RIMS2: variants seen among roughly 807,000 people sequenced by gnomAD.
RIMS2 encodes the protein regulating synaptic membrane exocytosis 2.
Under a neutral mutation model 174.4 loss-of-function variants are expected in RIMS2, and 59 were observed. The observed-to-expected ratio is 0.34, with a 90% confidence interval of 0.27 to 0.42. The LOEUF (loss-of-function observed/expected upper bound fraction) is 0.42. Among genes scored for constraint, RIMS2 ranks in the 10% least tolerant of loss-of-function variants. The probability of loss-of-function intolerance (pLI) is 1.00; values close to 1 mark genes in which losing one functional copy is unlikely to be tolerated. For synonymous variants in RIMS2, 606 were observed against 572.5 expected (o/e 1.06, Z -0.84); for missense variants, 1,620 against 1,666.3 (o/e 0.97, Z 0.48).
At chr8:103,704,914 T>G (rs538895951) in intron 2 of RIMS2, among the ~76,000 whole-genome samples, 1 of 152,054 alleles carries the variant, frequency 6.6e-6, no homozygotes, top group East Asian at 1.9e-4. Context: ...AGCCAACTTT[T>G]CCTTTCATTT....
At chr8:103,704,328 A>T (rs1263221333) in intron 2 of RIMS2, among the ~76,000 whole-genome samples, 1 of 151,556 alleles carries the variant, frequency 6.6e-6, no homozygotes, top group Non-Finnish European at 1.5e-5. Context: ...GTGGTGATTG[A>T]TCTTTATAAT....
At chr8:104,022,664 G>C (rs1426203562) in intron 19 of RIMS2, among the ~76,000 whole-genome samples, 2 of 152,136 alleles carry the variant, frequency 1.3e-5, no homozygotes, top group Non-Finnish European at 2.9e-5. Context: ...GGGATTACAG[G>C]TGTGAGCCAC....
chr8:104,176,001 C>G (rs1372296625), intron 19 of RIMS2, among the ~76,000 whole-genome samples: 5 of 152,308 alleles, frequency 3.3e-5, no homozygotes, highest in African/African-American at 1.2e-4. Context: ...TCCTACCCAA[C>G]TTCTCAGGAT....
At chr8:103,798,589 T>A (rs1368628543) in intron 3 of RIMS2, among the ~76,000 whole-genome samples, 2 of 152,180 alleles carry the variant, frequency 1.3e-5, no homozygotes, top group African/African-American at 2.4e-5. Context: ...TAAATATATA[T>A]CTTTGCATAA....
At chr8:103,823,344 A>G (rs1283869038) in intron 3 of RIMS2, among the ~76,000 whole-genome samples, 2 of 151,936 alleles carry the variant, frequency 1.3e-5, no homozygotes, top group Non-Finnish European at 2.9e-5. Context: ...TTCAATTGCA[A>G]GTAAGATAAC....
intron 19 of RIMS2, among the ~76,000 whole-genome samples, chr8:104,165,565 A>G (rs190304265): frequency 1.3e-5 from 2 of 152,014 alleles, no homozygotes; most frequent in Non-Finnish European, 2.9e-5. Context: ...TAAGAGAACT[A>G]TGTAAATTCA....
chr8:103,725,002 A>G (rs11776671), intron 2 of RIMS2, among the ~76,000 whole-genome samples: 26,781 of 152,098 alleles, frequency 0.18, 2,562 homozygotes, highest in African/African-American at 0.23. Context: ...CCTGTAGAAA[A>G]TATTTCAAAA....
intron 19 of RIMS2, among the ~76,000 whole-genome samples, chr8:104,135,350 A>G (rs2098509753): frequency 6.6e-6 from 1 of 152,140 alleles, no homozygotes; most frequent in African/African-American, 2.4e-5. Flanking sequence ...TAATCCCAGC[A>G]CTTTGGGAGG....
chr8:103,624,642 T>C (rs1589254497), intron 1 of RIMS2, among the ~76,000 whole-genome samples: 1 of 152,358 alleles, frequency 6.6e-6, no homozygotes, highest in Non-Finnish European at 1.5e-5. Context: ...ATAGTGGATA[T>C]CATTTGCTTG....
At chr8:103,587,540 A>G (rs1299080676) in intron 1 of RIMS2, among the ~76,000 whole-genome samples, 2 of 152,080 alleles carry the variant, frequency 1.3e-5, no homozygotes, top group East Asian at 3.8e-4. Flanking sequence ...AACTGAATTC[A>G]GCAATACTTT....
chr8:103,712,518 G>A (rs992713314), intron 2 of RIMS2, among the ~76,000 whole-genome samples: 2 of 152,070 alleles, frequency 1.3e-5, no homozygotes, highest in Non-Finnish European at 2.9e-5. Flanking sequence ...TGTACATGAT[G>A]TGCTCATCAG....
chr8:104,019,185 G>A (rs1367582280), intron 19 of RIMS2, among the ~76,000 whole-genome samples: 5 of 152,106 alleles, frequency 3.3e-5, no homozygotes, highest in Admixed American at 6.6e-5. Flanking sequence ...GCAGCAGAGC[G>A]AGACTGTGTC....
At chr8:103,695,396 C>G (rs1047635193) in intron 1 of RIMS2, among the ~76,000 whole-genome samples, 2 of 152,008 alleles carry the variant, frequency 1.3e-5, no homozygotes, top group Non-Finnish European at 2.9e-5. Context: ...CTGCTCTAAT[C>G]TCTTGTATTT....
intron 1 of RIMS2, among the ~76,000 whole-genome samples, chr8:103,553,870 C>T (rs909755188): frequency 6.6e-6 from 1 of 152,060 alleles, no homozygotes; most frequent in African/African-American, 2.4e-5. Flanking sequence ...ACCAATGGAA[C>T]AGAATAGAGA....
chr8:104,048,731 T>C (rs1331256934), intron 19 of RIMS2, among the ~76,000 whole-genome samples: 1 of 152,140 alleles, frequency 6.6e-6, no homozygotes, highest in Non-Finnish European at 1.5e-5. Flanking sequence ...GAAACACATT[T>C]CTTTTTTTGT....
At chr8:103,885,574 A>C in exon 4 of RIMS2, 2 of 1,612,958 alleles carry the variant, frequency 1.2e-6, no homozygotes, top group Non-Finnish European at 8.5e-7. Flanking sequence ...GGCAAAGGAG[A>C]GAGGAAGAGT....
intron 1 of RIMS2, among the ~76,000 whole-genome samples, chr8:103,664,495 G>T (rs2096644269): frequency 6.6e-6 from 1 of 152,110 alleles, no homozygotes; most frequent in South Asian, 2.1e-4. Context: ...CTCAAAAGAA[G>T]ACATTTATCT....
chr8:103,593,814 A>T (rs960749441), intron 1 of RIMS2, among the ~76,000 whole-genome samples: 1 of 151,398 alleles, frequency 6.6e-6, no homozygotes, highest in Non-Finnish European at 1.5e-5. Flanking sequence ...ATTAATAATT[A>T]AAAATCAATT....
In RIMS2 at chr8:103,632,172, G is replaced by A. The variant is rs137925187; in HGVS notation, c.177-64914G>A. ...ACTTGCAGTACTGTGTTCAATAGGA[G>A]TAGTGAGAGAGGGCATCCTTGTCTT... On this transcript the variant is annotated intron_variant, in intron 1 of 23. Transcript: ENST00000504942. 4.2e-3 allele frequency among the ~76,000 whole-genome samples: 642 copies of A among 152,202 alleles called. 5 individuals are homozygous for A. The highest frequency in any genetic ancestry group is 0.015 in the African/African-American group (611 of 41,524).
Sources: gnomAD v4.1 joint callset for allele counts (sites outside exome capture counted in the v4.1 genomes callset) on GRCh38, gnomAD v4.1.1 for gene constraint, MANE v1.5 for transcripts, NCBI Gene and HGNC (gene_info 2026-07-23, HGNC 2026-07-21) for gene names.